Variants in SGCZ observed in about 807,000 individuals in gnomAD.
SGCZ encodes zeta-sarcoglycan.
SGCZ carries 40 observed loss-of-function variants against 41.3 expected under a neutral mutation model. The observed-to-expected ratio is 0.97, with a 90% CI of 0.75 to 1.26. SGCZ has a LOEUF of 1.26. Among genes scored for constraint, SGCZ ranks in the 50% most tolerant of loss-of-function variants. The pLI is 0.00. For synonymous variants in SGCZ, 206 were observed against 137.5 expected (o/e 1.50, Z -3.49); for missense variants, 552 against 369.8 (o/e 1.49, Z -4.04).
At chr8:14,489,866 C>CATTTTTTTTTTTTTTTTTTTTTTT (rs142314868) in intron 2 of SGCZ, among the ~76,000 whole-genome samples, 3 of 137,476 alleles carry the variant, frequency 2.2e-5, no homozygotes, top group African/African-American at 5.7e-5. Flanking sequence ...AATTCTCCTA[C>CATTTTTTTTTTTTTTTTTTTTTTT]CTTTTTTTTT....
chr8:14,891,105 G>A (rs1384906894), intron 1 of SGCZ, among the ~76,000 whole-genome samples: 3 of 152,168 alleles, frequency 2.0e-5, no homozygotes, highest in Non-Finnish European at 4.4e-5. Context: ...TTCCATGCCT[G>A]CAAGAAGAAC....
chr8:15,153,445 C>T (rs1218302389), intron 1 of SGCZ, among the ~76,000 whole-genome samples: 2 of 152,204 alleles, frequency 1.3e-5, no homozygotes, highest in Non-Finnish European at 2.9e-5. Flanking sequence ...CAGAGAGACA[C>T]ATCACAGAGT....
intron 1 of SGCZ, among the ~76,000 whole-genome samples, chr8:14,761,293 T>A (rs1199595880): frequency 1.3e-5 from 2 of 151,958 alleles, no homozygotes; most frequent in Admixed American, 6.6e-5. Context: ...ATTAAAATGT[T>A]CCCAGTTGAT....
At chr8:14,726,578 C>T (rs1389894105) in intron 1 of SGCZ, among the ~76,000 whole-genome samples, 3 of 151,534 alleles carry the variant, frequency 2.0e-5, no homozygotes, top group African/African-American at 7.3e-5. Flanking sequence ...CCCCTGGCCA[C>T]AAACTCAACC....
At chr8:14,788,037 T>C (rs547786378) in intron 1 of SGCZ, among the ~76,000 whole-genome samples, 1 of 152,254 alleles carries the variant, frequency 6.6e-6, no homozygotes, top group Non-Finnish European at 1.5e-5. Context: ...ATTCCAAAAA[T>C]GTTGCTAGAT....
intron 1 of SGCZ, among the ~76,000 whole-genome samples, chr8:15,088,281 G>T (rs1806023947): frequency 1.3e-5 from 2 of 152,074 alleles, no homozygotes; most frequent in Non-Finnish European, 2.9e-5. Flanking sequence ...TTTCATCTAT[G>T]ACATAAGAAT....
At chr8:15,177,915 A>C (rs1205243519) in intron 1 of SGCZ, among the ~76,000 whole-genome samples, 1 of 152,184 alleles carries the variant, frequency 6.6e-6, no homozygotes, top group Non-Finnish European at 1.5e-5. Context: ...TGATATACCC[A>C]GAACAGCCAT....
chr8:14,958,386 G>A (rs1026996406), intron 1 of SGCZ, among the ~76,000 whole-genome samples: 1 of 152,016 alleles, frequency 6.6e-6, no homozygotes, highest in Non-Finnish European at 1.5e-5. Flanking sequence ...TTCATACAAT[G>A]GAATATTTAT....
At chr8:15,077,730 G>A (rs1245835239) in intron 1 of SGCZ, among the ~76,000 whole-genome samples, 1 of 152,066 alleles carries the variant, frequency 6.6e-6, no homozygotes, top group Admixed American at 6.6e-5. Context: ...TCCTATACCT[G>A]CACACCAAAA....
At chr8:14,342,611 A>C (rs1802749296) in intron 2 of SGCZ, among the ~76,000 whole-genome samples, 1 of 152,140 alleles carries the variant, frequency 6.6e-6, no homozygotes, top group Non-Finnish European at 1.5e-5. Flanking sequence ...CACCGCGCCC[A>C]GCCTGGTGGA....
chr8:14,231,311 G>T (rs1259177214), intron 4 of SGCZ, among the ~76,000 whole-genome samples: 9 of 151,894 alleles, frequency 5.9e-5, no homozygotes, highest in Admixed American at 5.9e-4. Context: ...AATGTTGGAG[G>T]TGGGCAGAGG....
intron 3 of SGCZ, among the ~76,000 whole-genome samples, chr8:14,255,193 C>G (rs1799418044): frequency 6.6e-6 from 1 of 152,134 alleles, no homozygotes; most frequent in African/African-American, 2.4e-5. Flanking sequence ...TCTTTTGGTT[C>G]ACCCACTGCC....
At chr8:15,011,729 C>G (rs1463054152) in intron 1 of SGCZ, among the ~76,000 whole-genome samples, 1 of 152,148 alleles carries the variant, frequency 6.6e-6, no homozygotes, top group Non-Finnish European at 1.5e-5. Flanking sequence ...AAAGAAAAAT[C>G]ATGTCTGCTT....
At chr8:14,381,735 A>G (rs1804373404) in intron 2 of SGCZ, among the ~76,000 whole-genome samples, 2 of 151,996 alleles carry the variant, frequency 1.3e-5, no homozygotes, top group Admixed American at 6.6e-5. Context: ...GCAGTGAGCC[A>G]TGATTGCGCC....
chr8:14,196,189 T>C (rs1805261330), intron 4 of SGCZ, among the ~76,000 whole-genome samples: 1 of 151,912 alleles, frequency 6.6e-6, no homozygotes, highest in South Asian at 2.1e-4. Context: ...ATTATGAACA[T>C]TAAAGCAATC....
intron 1 of SGCZ, among the ~76,000 whole-genome samples, chr8:14,615,908 T>C (rs1311779183): frequency 1.3e-5 from 2 of 152,192 alleles, no homozygotes; most frequent in South Asian, 2.1e-4. Flanking sequence ...CATTCCACTT[T>C]ACTCTATTAC....
intron 2 of SGCZ, among the ~76,000 whole-genome samples, chr8:14,462,555 T>C (rs1371804413): frequency 6.6e-6 from 1 of 151,908 alleles, no homozygotes; most frequent in Admixed American, 6.6e-5. Flanking sequence ...TTTTTAAAAA[T>C]TCTGTATTCT....
intron 2 of SGCZ, among the ~76,000 whole-genome samples, chr8:14,384,289 A>G (rs1010402608): frequency 6.6e-6 from 1 of 152,164 alleles, no homozygotes; most frequent in Non-Finnish European, 1.5e-5. Flanking sequence ...TACAAAGGAC[A>G]TGAACTTATC....
chr8:15,224,535 T>C (rs1408116956), intron 1 of SGCZ, among the ~76,000 whole-genome samples: 1 of 152,156 alleles, frequency 6.6e-6, no homozygotes, highest in African/African-American at 2.4e-5. Flanking sequence ...AAGTAATTTC[T>C]GGGATTAAAC....
Sources: allele counts gnomAD v4.1 joint callset (sites outside exome capture counted in the v4.1 genomes callset), GRCh38; gene constraint gnomAD v4.1.1; transcripts MANE v1.5; gene names NCBI Gene and HGNC (gene_info 2026-07-23, HGNC 2026-07-21).